Variants in USO1 observed in about 807,000 individuals in gnomAD.
USO1 encodes the protein general vesicular transport factor p115.
In USO1, 57 loss-of-function variants were observed where a neutral mutation model predicts 124.5. The observed-to-expected ratio is 0.46, with a 90% CI of 0.37 to 0.57. The LOEUF is 0.57. Ranked by LOEUF, USO1 falls within the 20% of genes least tolerant of loss-of-function variation. USO1 has a pLI of 0.00. For missense variants in USO1, 900 were observed against 1,040.6 expected, an observed-to-expected ratio of 0.86 and a Z score of 1.86; for synonymous variants, 369 against 362.8, an observed-to-expected ratio of 1.02 and a Z score of -0.19.
rs1723220649 is a variant in USO1, at chr4:75,813,932, A to G, written c.*637A>G. ...GTGATGTGGAGGGCATTCCGGAGAA[A>G]CTTTTGCAACAGTGTATTAATGTGA... On this transcript the variant is annotated 3_prime_UTR_variant, in exon 24 of 24. Coordinates refer to ENST00000514213, the MANE Select transcript of USO1 (RefSeq NM_003715.4). The G allele has an allele frequency of 6.6e-6, 1 of 152,242 alleles. No homozygotes were observed. Among genetic ancestry groups the G allele is most frequent in the African/African-American group, 2.4e-5 (1 of 41,462 alleles). 9.4% of individuals were successfully genotyped at this position (152,242 alleles called of 1,614,324 possible).
chr4:75,777,656 T>C (rs1471839320), intron 8 of USO1, among the ~76,000 whole-genome samples: 1 of 152,160 alleles, frequency 6.6e-6, no homozygotes, highest in Non-Finnish European at 1.5e-5. Flanking sequence ...ACATACCTTT[T>C]AGAATGAGGA....
At chr4:75,795,249 A>G (rs1417727389) in intron 13 of USO1, 2 of 693,486 alleles carry the variant, frequency 2.9e-6, no homozygotes, top group African/African-American at 1.8e-5. Flanking sequence ...TAGAGAGACT[A>G]TGAAAAAGTA....
intron 1 of USO1, among the ~76,000 whole-genome samples, chr4:75,748,478 C>T (rs947711434): frequency 2.0e-5 from 3 of 152,302 alleles, no homozygotes; most frequent in Non-Finnish European, 2.9e-5. Context: ...CATGAGCCAC[C>T]GCGCCTGGCC....
chr4:75,805,196 C>G lies in USO1; in HGVS notation c.2182C>G (p.Gln728Glu), dbSNP rs577747632. The change falls in exon 19 of 24, where the codon CAG becomes GAG. Residue 728 changes from glutamine (Q) to glutamate (E), a missense_variant. Gln to Glu is a conservative substitution (Grantham distance 29, BLOSUM62 2). Coordinates refer to ENST00000514213, the MANE Select transcript of USO1 (RefSeq NM_003715.4). ...YSEGAQMNGI[Q>E]PEEIGRLREE... ...TGAGGGGGCTCAGATGAATGGCATT[C>G]AGCCAGAAGAAATTGGTAGATTGCG... 6.2e-7 allele frequency: 1 copy of G among 1,612,998 alleles called. No individual in the cohort carries two copies. The highest frequency in any genetic ancestry group is 1.3e-5 in the African/African-American group (1 of 75,014).
intron 9 of USO1, among the ~76,000 whole-genome samples, chr4:75,783,647 G>A (rs140591272): frequency 9.7e-4 from 147 of 152,216 alleles, no homozygotes; most frequent in African/African-American, 3.3e-3. Flanking sequence ...GGTTAGGTCC[G>A]CTAGTAATTA....
chr4:75,799,598 T>A, intron 13 of USO1, 24 bp from the exon 14 acceptor site: 1 of 1,609,674 alleles, frequency 6.2e-7, no homozygotes, highest in East Asian at 2.2e-5. Flanking sequence ...AATGGAAAGA[T>A]TTCTACCAAT....
intron 21 of USO1, 118 bp from the exon 22 acceptor site, chr4:75,810,314 A>G (rs1164243569): frequency 2.6e-6 from 3 of 1,154,694 alleles, no homozygotes; most frequent in Middle Eastern, 2.1e-4. Flanking sequence ...ATAAGGAATT[A>G]TATTTTCTGT....
At chr4:75,807,729 A>G (rs1438308529) in intron 20 of USO1, among the ~76,000 whole-genome samples, 1 of 152,106 alleles carries the variant, frequency 6.6e-6, no homozygotes, top group East Asian at 1.9e-4. Flanking sequence ...GAATTAAGTT[A>G]CTAATATATA....
intron 4 of USO1, among the ~76,000 whole-genome samples, chr4:75,765,336 G>C (rs1721737756): frequency 6.6e-6 from 1 of 152,020 alleles, no homozygotes; most frequent in South Asian, 2.1e-4. Flanking sequence ...AGTTTCACTA[G>C]AATTTGGCTA....
intron 1 of USO1, 130 bp downstream of exon 1, chr4:75,725,015 T>G (rs1036942859): frequency 4.3e-6 from 4 of 933,926 alleles, no homozygotes; most frequent in Middle Eastern, 3.3e-4. Context: ...CCTCCCCCTT[T>G]GCCCTCCTTC....
rs56117400 is a variant in USO1 at position 75,770,738 on chromosome 4, C to T, written c.397-84C>T. On this transcript the variant is annotated intron_variant, in intron 5 of 23. Coordinates refer to ENST00000514213, the MANE Select transcript of USO1 (RefSeq NM_003715.4). The stretch of plus-strand genomic sequence containing the variant: ...AACTTCCATGTTTTACTTGTAGTTT[C>T]TGGTAAAAGTTATTAGTGGAAAAAA... 2.5e-3 allele frequency: 3,883 copies of T among 1,551,186 alleles called. 7 individuals carry two copies. Among genetic ancestry groups the T allele is most frequent in the Non-Finnish European group, 3.0e-3 (3,453 of 1,153,026 alleles).
intron 13 of USO1, among the ~76,000 whole-genome samples, chr4:75,796,259 TGG>T (rs1722674161): frequency 6.6e-6 from 1 of 152,138 alleles, no homozygotes; most frequent in East Asian, 1.9e-4. Flanking sequence ...TGATGATTTT[TGG>T]TGTTTGAGTG....
At chr4:75,800,885 A>G in intron 16 of USO1, 86 bp downstream of exon 16, 4 of 1,509,680 alleles carry the variant, frequency 2.6e-6, no homozygotes, top group South Asian at 1.3e-5. Flanking sequence ...TACAGGTTAT[A>G]TGGTAACTCT....
intron 7 of USO1, among the ~76,000 whole-genome samples, chr4:75,772,059 T>C (rs983852090): frequency 2.0e-5 from 3 of 152,180 alleles, no homozygotes; most frequent in Non-Finnish European, 2.9e-5. Context: ...TTAGTAAATA[T>C]CATTTGGATT....
At chr4:75,760,649 T>G (rs1228544309) in intron 4 of USO1, 4 of 397,706 alleles carry the variant, frequency 1.0e-5, no homozygotes, top group Non-Finnish European at 1.8e-5. Flanking sequence ...TTAGGCATAG[T>G]TTCTGATAAT....
At chr4:75,790,517 A>C in intron 11 of USO1, 126 bp from the exon 12 acceptor site, 2 of 1,385,864 alleles carry the variant, frequency 1.4e-6, no homozygotes, top group Non-Finnish European at 1.9e-6. Context: ...TGTGAAATAG[A>C]GATGGAAATA....
intron 1 of USO1, among the ~76,000 whole-genome samples, chr4:75,746,147 G>A (rs1721121436): frequency 6.6e-6 from 1 of 152,126 alleles, no homozygotes; most frequent in South Asian, 2.1e-4. Context: ...GCTGTAGTTT[G>A]AATTGTTAAA....
In USO1 at chr4:75,806,500, A is replaced by T; in HGVS notation, c.2304A>T (p.Thr768=). The stretch of plus-strand genomic sequence containing the variant: ...GCTATTTGCAGAAATCTTCCCAAAC[A>T]TCTGGCACAAATGAACAGTCTTCAG... ...SMIENMKSSQ[T]SGTNEQSSAI... Residue 768 remains threonine, a synonymous_variant, in exon 20 of 24, where the codon ACA becomes ACT. Transcript: ENST00000514213. 5 of 1,559,448 alleles carry T rather than the reference A, an allele frequency of 3.2e-6. No individual in the cohort carries two copies. The highest frequency in any genetic ancestry group is 4.3e-6 in the Non-Finnish European group (5 of 1,150,616).
In USO1 at chr4:75,790,717, ATTG is replaced by A. The variant is rs1362832301; in HGVS notation, c.1163_1165del (p.Cys388del). 6.2e-7 allele frequency: 1 copy of A among 1,613,728 alleles called. No individual in the cohort carries two copies. Among genetic ancestry groups the A allele is most frequent in the South Asian group, 1.1e-5 (1 of 91,054 alleles). On this transcript the variant is annotated inframe_deletion, in exon 12 of 24. Coordinates refer to ENST00000514213, the MANE Select transcript of USO1 (RefSeq NM_003715.4). ...TTTGTTTTGCGCTGTGCTGTTCTCT[ATTG>A]TTTCCAGTGTTTCTTGTATAAAAAC...
Sources: allele counts gnomAD v4.1 joint callset (sites outside exome capture counted in the v4.1 genomes callset), GRCh38; gene constraint gnomAD v4.1.1; transcripts MANE v1.5; gene names NCBI Gene and HGNC (gene_info 2026-07-23, HGNC 2026-07-21).